Variants in GLS observed in about 807,000 individuals in gnomAD.
The protein encoded by GLS is glutaminase.
GLS carries 36 observed loss-of-function variants against 86.7 expected under a neutral mutation model. The observed-to-expected ratio is 0.42, with a 90% confidence interval of 0.32 to 0.55. The LOEUF (loss-of-function observed/expected upper bound fraction) is 0.55. Ranked by LOEUF, GLS falls within the 20% of genes least tolerant of loss-of-function variation. The pLI is 0.17. For missense variants in GLS, 528 were observed against 833.4 expected (o/e 0.63, Z 4.51); for synonymous variants, 317 against 305.9 (o/e 1.04, Z -0.38).
chr2:190,881,676 C>A, intron 1 of GLS: 1 of 500,410 alleles, frequency 2.0e-6, no homozygotes, highest in Non-Finnish European at 3.4e-6. Context: ...CGCCAGGCAC[C>A]CACTTCCCTT....
At position 190,964,173 on chromosome 2, in the gene GLS, T is replaced by C. The variant is rs1284860448; in HGVS notation, c.*1187T>C. The C allele has an allele frequency of 6.6e-6, 1 of 152,148 alleles. No individual in the cohort carries two copies. The highest frequency in any genetic ancestry group is 6.6e-5 in the Admixed American group (1 of 15,266). The allele number at this position is 152,148 out of a possible 1,614,324, so 9.4% of individuals were successfully genotyped here. On this transcript the variant is annotated 3_prime_UTR_variant, in exon 18 of 18. Transcript: ENST00000320717. This position sits in a 1 kb window ranked among gnomAD's most constrained non-coding sequence, Gnocchi z 5.2. ...CATTTTAAATTGTGACCTATAATTCTTTGTCTTGGGTTGGTAATTCAGGAT... is the reference window on the plus strand; with the variant it reads ...CATTTTAAATTGTGACCTATAATTCCTTGTCTTGGGTTGGTAATTCAGGAT...
chr2:190,896,262 T>C (rs1386084300), intron 3 of GLS: 1 of 152,262 alleles, frequency 6.6e-6, no homozygotes, highest in East Asian at 1.9e-4. Flanking sequence ...ACTTTGGCGA[T>C]TAAAGCCTTG....
chr2:190,893,997 A>G (rs1688646983), intron 1 of GLS, among the ~76,000 whole-genome samples: 1 of 152,234 alleles, frequency 6.6e-6, no homozygotes, highest in African/African-American at 2.4e-5. Flanking sequence ...TTTAAAAAAC[A>G]TTTGTGTGAC....
rs372976627 is a variant in GLS, at chr2:190,941,595, T to C, written c.1650+9958T>C. ...CTTGTTTTGTCTGGGTGGTTAAATA[T>C]GGTTGGTTTTCACTGGAAGGTAATA... On this transcript the variant is annotated intron_variant, in intron 14 of 17. Coordinates refer to ENST00000320717, the MANE Select transcript of GLS (RefSeq NM_014905.5). 7.9e-5 allele frequency among the ~76,000 whole-genome samples: 12 copies of C among 152,100 alleles called. No individual in the cohort carries two copies. The East Asian group carries it at 1.5e-3, about 20-fold the overall frequency.
Position 190,930,626 on chromosome 2 carries a change from C to A in GLS, c.1557+58C>A. On this transcript the variant is annotated intron_variant, in intron 13 of 17. Transcript: ENST00000320717. This position sits in a 1 kb window ranked among gnomAD's most constrained non-coding sequence, Gnocchi z 5.0. ...TTACAAGTTGAGCCATCCAATGATT[C>A]TTTTTTTTAACCCATTTTCCATAGT... The A allele has an allele frequency of 1.3e-6, 2 of 1,511,468 alleles. No individual in the cohort carries two copies. The highest frequency in any genetic ancestry group is 1.8e-6 in the Non-Finnish European group (2 of 1,107,354). 93.6% of individuals were successfully genotyped at this position (1,511,468 alleles called of 1,614,324 possible). A position where few individuals can be genotyped will look rare whatever the true frequency, so the allele number is the denominator to read the frequency against.
At chr2:190,888,136 C>CA (rs1483831587) in intron 1 of GLS, among the ~76,000 whole-genome samples, 1 of 152,006 alleles carries the variant, frequency 6.6e-6, no homozygotes, top group Non-Finnish European at 1.5e-5. Context: ...TCAAAGGAAC[C>CA]ACATCTGTTA....
At chr2:190,950,632 A>T (rs1690696018) in intron 14 of GLS, among the ~76,000 whole-genome samples, 1 of 152,242 alleles carries the variant, frequency 6.6e-6, no homozygotes, top group African/African-American at 2.4e-5. Context: ...CCTTCCTCCC[A>T]GCACATGTAC....
At chr2:190,918,392 C>T (rs555684468) in intron 7 of GLS, among the ~76,000 whole-genome samples, 1 of 152,278 alleles carries the variant, frequency 6.6e-6, no homozygotes, top group East Asian at 1.9e-4. Flanking sequence ...CCTCTGCTAG[C>T]TGCAAACCCT....
At position 190,927,417 on chromosome 2, in the gene GLS, C is replaced by T; in HGVS notation, c.1360C>T (p.Arg454Ter). Residue 454 changes from arginine (R) to a stop codon, truncating the protein, a stop_gained, in exon 12 of 18, where the codon CGA becomes TGA. Coordinates refer to ENST00000320717, the MANE Select transcript of GLS (RefSeq NM_014905.5). LOFTEE classifies it high-confidence loss of function. ...AAGAGTACTGAGCCCTGAAGCAGTT[C>T]GAAATACATTGAGTTTGATGCATTC... The part of the protein sequence containing the change: ...GERVLSPEAV[R>*]NTLSLMHSCG... The T allele has an allele frequency of 1.9e-6, 3 of 1,613,702 alleles. No individual in the cohort carries two copies. The highest frequency in any genetic ancestry group is 2.5e-6 in the Non-Finnish European group (3 of 1,179,752).
At position 190,956,767 on chromosome 2, in the gene GLS, CTCTT is replaced by C. The variant is rs1307715468; in HGVS notation, c.1853+1951_1853+1954del. 6.6e-6 allele frequency among the ~76,000 whole-genome samples: 1 copy of C among 152,244 alleles called. No individual in the cohort carries two copies. Among genetic ancestry groups the C allele is most frequent in the South Asian group, 2.1e-4 (1 of 4,826 alleles). On this transcript the variant is annotated intron_variant, in intron 17 of 17. Coordinates refer to ENST00000320717, the MANE Select transcript of GLS (RefSeq NM_014905.5). This position sits in a 1 kb window ranked among gnomAD's most constrained non-coding sequence, Gnocchi z 4.2. ...ATGTTTTTCCATTTGTTTGTGTCCT[CTCTT>C]TATTTCCTTCAGCAGTGGTTTGTAG...
In GLS at chr2:190,947,593, C is replaced by T. The variant is rs886169497; in HGVS notation, c.1651-5972C>T. On this transcript the variant is annotated intron_variant, in intron 14 of 17. Transcript: ENST00000320717. This position sits in a 1 kb window ranked among gnomAD's most constrained non-coding sequence, Gnocchi z 5.0. ...GCCCTTAATTTAATAGCTATTATTG[C>T]GGCTGTGTATAGTCTGTTTCTTTAT... 4.6e-5 allele frequency among the ~76,000 whole-genome samples: 7 copies of T among 152,056 alleles called. No homozygotes were observed. Among genetic ancestry groups the T allele is most frequent in the African/African-American group, 1.7e-4 (7 of 41,378 alleles).
intron 14 of GLS, chr2:190,934,754 G>C: frequency 1.0e-6 from 1 of 973,534 alleles, no homozygotes; most frequent in Non-Finnish European, 1.2e-6. Flanking sequence ...TACTATTTTT[G>C]TGTTGGTAAT....
chr2:190,919,647 T>C, intron 7 of GLS: 2 of 848,910 alleles, frequency 2.4e-6, no homozygotes, highest in Non-Finnish European at 2.8e-6. Context: ...CTATGGAATA[T>C]TTTGACAACT....
chr2:190,934,516 G>A (rs1269817493), intron 14 of GLS: 4 of 983,516 alleles, frequency 4.1e-6, no homozygotes, highest in East Asian at 1.1e-4. Flanking sequence ...AGGCCTTACT[G>A]CATATTTGTG....
At chr2:190,884,480 T>C (rs1316567534) in intron 1 of GLS, among the ~76,000 whole-genome samples, 1 of 152,246 alleles carries the variant, frequency 6.6e-6, no homozygotes, top group South Asian at 2.1e-4. Context: ...GAGCATTATA[T>C]TAAAGTCACA....
Position 190,905,282 on chromosome 2 carries a change from A to G in GLS, c.979+115A>G, listed in dbSNP as rs959592961. The G allele has an allele frequency of 9.2e-6, 6 of 653,160 alleles. No individual in the cohort carries two copies. The highest frequency in any genetic ancestry group is 2.1e-5 in the South Asian group (1 of 48,776). 40.5% of individuals were successfully genotyped at this position (653,160 alleles called of 1,614,324 possible). ...TAAAAGTATTTGTCATGTGATTTCT[A>G]TATAATCCATTGAGAGAGTTTCATC... On this transcript the variant is annotated intron_variant, in intron 6 of 17. Coordinates refer to ENST00000320717, the MANE Select transcript of GLS (RefSeq NM_014905.5). This position sits in a 1 kb window ranked among gnomAD's most constrained non-coding sequence, Gnocchi z 4.6.
At position 190,895,265 on chromosome 2, in the gene GLS, T is replaced by C; in HGVS notation, c.483+17T>C. The C allele has an allele frequency of 1.0e-6, 1 of 994,830 alleles. No homozygotes were observed. The highest frequency in any genetic ancestry group is 1.6e-6 in the Non-Finnish European group (1 of 631,524). 61.6% of individuals were successfully genotyped at this position (994,830 alleles called of 1,614,324 possible). On this transcript the variant is annotated intron_variant, in intron 2 of 17. Transcript: ENST00000320717. This position sits in a 1 kb window ranked among gnomAD's most constrained non-coding sequence, Gnocchi z 4.2. The stretch of plus-strand genomic sequence containing the variant: ...TTTATTACAGTAAGTTTTTATATTT[T>C]TCTATCTTAACTTAAAAAAATCAAT...
rs1211167299 is a variant in GLS at position 190,913,630 on chromosome 2, G to A, written c.1038+3309G>A. On this transcript the variant is annotated intron_variant, in intron 7 of 17. Coordinates refer to ENST00000320717, the MANE Select transcript of GLS (RefSeq NM_014905.5). The surrounding 1 kb of genome is among the most constrained non-coding windows in gnomAD (Gnocchi z 6.1). ...TTACGTATTTGTTTTCTTTTCACTG[G>A]TAAAAATTTCACGTAGTTTTAGTTT... 1.0e-6 allele frequency: 1 copy of A among 974,946 alleles called. No homozygotes were observed. Among genetic ancestry groups the A allele is most frequent in the Non-Finnish European group, 1.2e-6 (1 of 820,586 alleles). The allele number at this position is 974,946 out of a possible 1,614,324, so 60.4% of individuals were successfully genotyped here.
rs1464202287 is a variant in GLS, at chr2:190,953,385, TAAAAG to T, written c.1651-177_1651-173del. The stretch of plus-strand genomic sequence containing the variant: ...TGAATTTTCCCTCACAATCCACTGT[TAAAAG>T]AAGAAAGTATCACACACGTGGGTTC... On this transcript the variant is annotated intron_variant, in intron 14 of 17. Coordinates refer to ENST00000320717, the MANE Select transcript of GLS (RefSeq NM_014905.5). This position sits in a 1 kb window ranked among gnomAD's most constrained non-coding sequence, Gnocchi z 4.0. Among the ~76,000 whole-genome samples, 5 of 152,208 alleles carry T rather than the reference TAAAAG, an allele frequency of 3.3e-5. No individual in the cohort carries two copies. Among genetic ancestry groups the T allele is most frequent in the South Asian group, 2.1e-4 (1 of 4,836 alleles).
Sources: allele counts gnomAD v4.1 joint callset (sites outside exome capture counted in the v4.1 genomes callset), GRCh38; gene constraint gnomAD v4.1.1; non-coding constraint Gnocchi (gnomAD v3.1); transcripts MANE v1.5; gene names NCBI Gene and HGNC (gene_info 2026-07-23, HGNC 2026-07-21).